ZRANB3: variants seen among roughly 807,000 people sequenced by gnomAD.
ZRANB3 encodes zinc finger RANBP2-type containing 3.
ZRANB3 carries 125 observed loss-of-function variants against 133.8 expected under a neutral mutation model. The ratio of observed to expected loss-of-function variants is 0.93; its 90% CI spans 0.81 to 1.08. The LOEUF (loss-of-function observed/expected upper bound fraction) is 1.08, where lower values mean the gene tolerates loss of function less well. Ranked by LOEUF, ZRANB3 falls within the 50% of genes least tolerant of loss-of-function variation. The probability of loss-of-function intolerance (pLI) is 0.00; values close to 1 mark genes in which losing one functional copy is unlikely to be tolerated. For missense variants in ZRANB3, 1,229 were observed against 1,275.5 expected (o/e 0.96, Z 0.56); for synonymous variants, 387 against 432.7 (o/e 0.89, Z 1.31).
At chr2:135,218,984 C>T in intron 16 of ZRANB3, 93 bp downstream of exon 16, 1 of 932,898 alleles carries the variant, frequency 1.1e-6, no homozygotes, top group African/African-American at 1.7e-5. Flanking sequence ...CCACAAAGTG[C>T]TTTTTTAAAA....
intron 8 of ZRANB3, among the ~76,000 whole-genome samples, chr2:135,296,001 G>A (rs1000545539): frequency 1.3e-5 from 2 of 152,126 alleles, no homozygotes; most frequent in Non-Finnish European, 2.9e-5. Context: ...CTCTCTGGCT[G>A]CCCTTAACAT....
intron 12 of ZRANB3, among the ~76,000 whole-genome samples, chr2:135,255,066 T>C (rs2105099731): frequency 6.6e-6 from 1 of 152,182 alleles, no homozygotes; most frequent in South Asian, 2.1e-4. Context: ...ACATTTTCAT[T>C]ACCCTCAGAA....
intron 3 of ZRANB3, among the ~76,000 whole-genome samples, chr2:135,383,990 G>T (rs190365854): frequency 6.6e-6 from 1 of 152,080 alleles, no homozygotes; most frequent in Non-Finnish European, 1.5e-5. Flanking sequence ...AAATAACTAA[G>T]ATCAGAGCAG....
chr2:135,377,206 T>A (rs1002763572), intron 3 of ZRANB3, among the ~76,000 whole-genome samples: 1 of 152,182 alleles, frequency 6.6e-6, no homozygotes, highest in Non-Finnish European at 1.5e-5. Flanking sequence ...GTGTACAGCA[T>A]CTGCAAACCA....
At chr2:135,427,008 T>C (rs1276111111) in intron 2 of ZRANB3, among the ~76,000 whole-genome samples, 1 of 145,486 alleles carries the variant, frequency 6.9e-6, no homozygotes, top group East Asian at 2.0e-4. Context: ...TCAATAAAAT[T>C]CAACATCACT....
chr2:135,389,683 C>T (rs535508188), intron 3 of ZRANB3, among the ~76,000 whole-genome samples: 3 of 151,990 alleles, frequency 2.0e-5, no homozygotes, highest in South Asian at 4.2e-4. Context: ...GCAGCCTGGG[C>T]GACAGAGCCA....
At chr2:135,372,426 T>C (rs1686224559) in intron 3 of ZRANB3, among the ~76,000 whole-genome samples, 1 of 152,166 alleles carries the variant, frequency 6.6e-6, no homozygotes, top group African/African-American at 2.4e-5. Flanking sequence ...AAGGAATATC[T>C]GCTACTTTAT....
intron 1 of ZRANB3, among the ~76,000 whole-genome samples, chr2:135,528,605 T>C (rs907703782): frequency 6.6e-6 from 1 of 152,096 alleles, no homozygotes; most frequent in African/African-American, 2.4e-5. Flanking sequence ...CATTACTATT[T>C]AGTGACTAGA....
intron 1 of ZRANB3, among the ~76,000 whole-genome samples, chr2:135,530,342 A>C (rs1254992751): frequency 6.6e-6 from 1 of 152,152 alleles, no homozygotes; most frequent in East Asian, 1.9e-4. Flanking sequence ...GCAATCTAAT[A>C]GCGAGCAGGC....
intron 12 of ZRANB3, among the ~76,000 whole-genome samples, chr2:135,248,282 C>A (rs1410293042): frequency 6.6e-6 from 1 of 152,216 alleles, no homozygotes; most frequent in African/African-American, 2.4e-5. Context: ...GAGCCAGTAG[C>A]TGCTCGGCAA....
chr2:135,471,695 A>G (rs1435927545), intron 2 of ZRANB3, among the ~76,000 whole-genome samples: 1 of 152,204 alleles, frequency 6.6e-6, no homozygotes, highest in Admixed American at 6.5e-5. Flanking sequence ...GGTTCACGAA[A>G]TGCAGAATTG....
chr2:135,465,280 T>C (rs1029458964), intron 2 of ZRANB3, among the ~76,000 whole-genome samples: 1 of 148,608 alleles, frequency 6.7e-6, no homozygotes, highest in Non-Finnish European at 1.5e-5. Flanking sequence ...CCTTAACTCA[T>C]GGTTACCTAA....
chr2:135,361,488 A>C (rs558956630), intron 3 of ZRANB3, among the ~76,000 whole-genome samples: 2 of 152,336 alleles, frequency 1.3e-5, no homozygotes, highest in East Asian at 1.9e-4. Context: ...TGATACATAA[A>C]ATTTCAGTTT....
At chr2:135,401,377 A>G (rs1687722963) in intron 2 of ZRANB3, among the ~76,000 whole-genome samples, 1 of 152,216 alleles carries the variant, frequency 6.6e-6, no homozygotes, top group Non-Finnish European at 1.5e-5. Context: ...AGATGGCTAT[A>G]GTGCTTCCAA....
chr2:135,526,476 T>A (rs555756456), intron 1 of ZRANB3, among the ~76,000 whole-genome samples: 14 of 152,248 alleles, frequency 9.2e-5, no homozygotes, highest in African/African-American at 3.4e-4. Context: ...ATTTTTTTAT[T>A]TTACCCAAAT....
At chr2:135,483,907 T>C (rs566652797) in intron 2 of ZRANB3, among the ~76,000 whole-genome samples, 1 of 152,200 alleles carries the variant, frequency 6.6e-6, no homozygotes, top group Non-Finnish European at 1.5e-5. Flanking sequence ...TCAGTTTCCA[T>C]GTAGTTGAGC....
chr2:135,259,579 C>T (rs1406452426), intron 12 of ZRANB3, among the ~76,000 whole-genome samples: 4 of 152,040 alleles, frequency 2.6e-5, no homozygotes, highest in Non-Finnish European at 5.9e-5. Context: ...CCACCACGCC[C>T]GGCTAATTTT....
At chr2:135,517,749 C>T (rs1693760443) in intron 1 of ZRANB3, among the ~76,000 whole-genome samples, 1 of 152,172 alleles carries the variant, frequency 6.6e-6, no homozygotes, top group East Asian at 1.9e-4. Flanking sequence ...CAGGGACCCA[C>T]TTGAGGAGAC....
At chr2:135,216,179 A>G (rs1016804934) in intron 17 of ZRANB3, among the ~76,000 whole-genome samples, 4 of 151,934 alleles carry the variant, frequency 2.6e-5, no homozygotes, top group African/African-American at 9.7e-5. Context: ...ACCATATGCC[A>G]TATGTTGAAA....
Sources: gnomAD v4.1 joint callset for allele counts (sites outside exome capture counted in the v4.1 genomes callset) on GRCh38, gnomAD v4.1.1 for gene constraint, MANE v1.5 for transcripts, NCBI Gene and HGNC (gene_info 2026-07-23, HGNC 2026-07-21) for gene names.